The following BBOF1 variants were observed in gnomAD, a reference collection of about 807,000 sequenced individuals.
The protein encoded by BBOF1 is basal body-orientation factor 1.
A neutral mutation model predicts 68.0 loss-of-function variants in BBOF1; 62 were observed. That is an observed-to-expected ratio of 0.91 (90% confidence interval 0.74 to 1.13). BBOF1 has a LOEUF of 1.13. Ranked by LOEUF, BBOF1 falls within the 50% of genes most tolerant of loss-of-function variation. The pLI is 0.00. For missense variants in BBOF1, 534 were observed against 600.1 expected, an observed-to-expected ratio of 0.89 and a Z score of 1.15; for synonymous variants, 208 against 198.8, an observed-to-expected ratio of 1.05 and a Z score of -0.39.
At chr14:74,069,329 C>G (rs1344551463), downstream of BBOF1, 3 of 326,060 alleles carry the variant, frequency 9.2e-6, no homozygotes, top group Admixed American at 4.4e-5. Context: ...GTCTTGAACT[C>G]CTGACCTCGT....
downstream of BBOF1, chr14:74,067,335 G>C (rs1238660790): frequency 6.2e-7 from 1 of 1,608,222 alleles, no homozygotes; most frequent in East Asian, 2.2e-5. Flanking sequence ...AGAGCTTAAT[G>C]CCACAGATGC....
chr14:74,044,365 T>G (rs1447123743), intron 5 of BBOF1, among the ~76,000 whole-genome samples: 1 of 152,152 alleles, frequency 6.6e-6, no homozygotes, highest in Non-Finnish European at 1.5e-5. Flanking sequence ...ATTAATTCTT[T>G]TTATTTGTTT....
chr14:74,049,832 G>A lies in BBOF1; in HGVS notation c.923G>A (p.Ser308Asn), dbSNP rs2060026806. Residue 308 changes from serine (S) to asparagine (N), a missense_variant, in exon 8 of 12, where the codon AGT (serine) becomes AAT (asparagine). Coordinates refer to ENST00000394009, the MANE Select transcript of BBOF1 (RefSeq NM_025057.3). ...AGTTACATGACCAAAGAGTTTGAGA[G>A]TGAAGTTTTAAAACTGCAGCAACAC... Reference protein sequence around the residue: ...ALSYMTKEFESEVLKLQQHAM... With the variant: ...ALSYMTKEFENEVLKLQQHAM... The A allele has an allele frequency of 1.9e-6, 3 of 1,614,034 alleles. No individual in the cohort carries two copies. The highest frequency in any genetic ancestry group is 2.2e-5 in the South Asian group (2 of 91,084).
Position 74,074,945 on chromosome 14 carries a change from A to T in BBOF1, n.1380-3251A>T, listed in dbSNP as rs369958390. On this transcript the variant is annotated intron_variant and non_coding_transcript_variant, in intron 9 of 12. Coordinates refer to the BBOF1 transcript ENST00000492026. Reference sequence around the variant, plus strand: ...TCTCAGAAGTCAACCTCTATGCCAAATAAACTCACCACTGAAGAAGAGAAG... The same window carrying T: ...TCTCAGAAGTCAACCTCTATGCCAATTAAACTCACCACTGAAGAAGAGAAG... 1.2e-6 allele frequency: 2 copies of T among 1,613,800 alleles called. No individual in the cohort carries two copies. Among genetic ancestry groups the T allele is most frequent in the Admixed American group, 3.3e-5 (2 of 60,024 alleles).
intron 1 of BBOF1, among the ~76,000 whole-genome samples, chr14:74,020,973 C>T (rs1033869575): frequency 6.6e-6 from 1 of 152,092 alleles, no homozygotes; most frequent in African/African-American, 2.4e-5. Flanking sequence ...GAAAGTGGGA[C>T]TTTGGTTCTC....
rs1319536108 is a variant in BBOF1, at chr14:74,023,084, G to A, written c.225G>A (p.Glu75=). The change falls in exon 2 of 12, where the codon GAG becomes GAA. Residue 75 remains glutamate (E), a synonymous_variant. Transcript: ENST00000394009. ...EDLKKKQCKM[E]KDIMSVLSYL... ...TAAAGAAAAAGCAATGTAAAATGGA[G>A]AAAGACATAATGTCAGTATTAAGTT... 1.2e-6 allele frequency: 2 copies of A among 1,603,182 alleles called. No homozygotes were observed. Among genetic ancestry groups the A allele is most frequent in the Non-Finnish European group, 1.7e-6 (2 of 1,174,708 alleles).
intron 1 of BBOF1, among the ~76,000 whole-genome samples, chr14:74,020,751 G>C (rs1434366906): frequency 6.6e-6 from 1 of 152,100 alleles, no homozygotes; most frequent in Non-Finnish European, 1.5e-5. Context: ...TGATCCACCC[G>C]CCTCGGCCTC....
intron 2 of BBOF1, among the ~76,000 whole-genome samples, chr14:74,023,939 A>AAAAAAG (rs1555370178): frequency 2.6e-5 from 4 of 151,316 alleles, no homozygotes; most frequent in African/African-American, 9.7e-5. Context: ...AAAAAAAAAA[A>AAAAAAG]AAAAGAAAAG....
chr14:74,068,747 A>G, downstream of BBOF1: 1 of 1,317,454 alleles, frequency 7.6e-7, no homozygotes, highest in South Asian at 1.2e-5. Flanking sequence ...CTCAAAAAAA[A>G]GAAAGAAACA....
intron 9 of BBOF1, among the ~76,000 whole-genome samples, chr14:74,077,148 T>C (rs1396001253): frequency 6.6e-6 from 1 of 152,194 alleles, no homozygotes; most frequent in African/African-American, 2.4e-5. Context: ...GAGCCCATCA[T>C]GTCTTATTTA....
At chr14:74,024,418 G>C (rs79250763) in intron 2 of BBOF1, among the ~76,000 whole-genome samples, 9,520 of 152,130 alleles carry the variant, frequency 0.063, 512 homozygotes, top group South Asian at 0.26. Flanking sequence ...GTCATGTCAC[G>C]GCAGTCCAAC....
chr14:74,030,411 G>A (rs1179674787), intron 3 of BBOF1, among the ~76,000 whole-genome samples: 1 of 151,498 alleles, frequency 6.6e-6, no homozygotes, highest in African/African-American at 2.4e-5. Context: ...TTTAGAGGTT[G>A]CTTTTTAAAA....
At chr14:74,021,913 A>AG (rs945400078) in intron 1 of BBOF1, among the ~76,000 whole-genome samples, 1 of 151,778 alleles carries the variant, frequency 6.6e-6, no homozygotes, top group African/African-American at 2.4e-5. Context: ...TCCCTCCCCC[A>AG]GAAAAAAAAA....
chr14:74,045,621 A>G (rs944859396), intron 5 of BBOF1, among the ~76,000 whole-genome samples: 2 of 152,134 alleles, frequency 1.3e-5, no homozygotes, highest in African/African-American at 4.8e-5. Context: ...TGCTCATAGT[A>G]ATTTTTAGAC....
At chr14:74,070,451 A>G (rs11844024), downstream of BBOF1, among the ~76,000 whole-genome samples, 2,029 of 152,170 alleles carry the variant, frequency 0.013, 42 homozygotes, top group African/African-American at 0.045. Context: ...CCTGGGAGGC[A>G]GCGGGTAGAG....
At chr14:74,060,705 C>T (rs2060319709) in intron 11 of BBOF1, 1 of 1,613,800 alleles carries the variant, frequency 6.2e-7, no homozygotes, top group Non-Finnish European at 8.5e-7. Flanking sequence ...CTTCTTTCCA[C>T]TGAGAAGTAA....
chr14:74,057,002 T>C, intron 10 of BBOF1, 22 bp downstream of exon 10: 3 of 1,601,902 alleles, frequency 1.9e-6, no homozygotes, highest in South Asian at 1.1e-5. Context: ...CTTGCTTAAG[T>C]AATAAACATG....
intron 4 of BBOF1, 91 bp downstream of exon 4, chr14:74,034,262 G>A (rs557653873): frequency 1.5e-5 from 12 of 778,508 alleles, no homozygotes; most frequent in East Asian, 3.3e-5. Context: ...CCTGTGAGAC[G>A]GCAAAGAACT....
Position 74,065,208 on chromosome 14 carries a change from T to A in BBOF1, c.*509T>A. On this transcript the variant is annotated 3_prime_UTR_variant, in exon 12 of 12. Transcript: ENST00000394009. ...GTCCAACATCCACCAAGTGGGCATA[T>A]TTCCGAGCAGTGGCTCCATTGGTGG... 6.2e-7 allele frequency: 1 copy of A among 1,614,178 alleles called. No individual in the cohort carries two copies. The highest frequency in any genetic ancestry group is 8.5e-7 in the Non-Finnish European group (1 of 1,180,034).
Sources: allele counts gnomAD v4.1 joint callset (sites outside exome capture counted in the v4.1 genomes callset), GRCh38; gene constraint gnomAD v4.1.1; transcripts MANE v1.5; gene names NCBI Gene and HGNC (gene_info 2026-07-23, HGNC 2026-07-21).